TEX14: variants seen among roughly 807,000 people sequenced by gnomAD.
The protein encoded by TEX14 is testis expressed 14, intercellular bridge forming factor.
A neutral mutation model predicts 178.6 loss-of-function variants in TEX14; 168 were observed. That is an observed-to-expected ratio of 0.94 (90% CI 0.83 to 1.07). TEX14 has a LOEUF of 1.07. TEX14 is among the 50% of genes least tolerant of loss of function. The pLI is 0.00. For missense variants in TEX14, 1,730 were observed against 1,753.6 expected (o/e 0.99, Z 0.24); for synonymous variants, 626 against 634.1 (o/e 0.99, Z 0.19).
In TEX14 at chr17:58,601,817, A is replaced by G. The variant is rs199975770; in HGVS notation, c.1667T>C (p.Leu556Pro). 172 of 1,612,770 alleles carry G rather than the reference A, an allele frequency of 1.1e-4. No homozygotes were observed. In the Admixed American group the frequency reaches 1.4e-3, roughly 13 times the overall value. Residue 556 changes from leucine (L) to proline (P), a missense_variant, in exon 13 of 32, where the codon CTA becomes CCA. Leu to Pro is a moderately conservative substitution (Grantham distance 98). Coordinates refer to ENST00000349033, the MANE Select transcript of TEX14 (RefSeq NM_031272.5). ...RETPDMEIIELKEMGSQPHSP... is the reference protein window; with the variant it reads ...RETPDMEIIEPKEMGSQPHSP... ...AATTAAGGCCATACCCATTTCCTTT[A>G]GTTCTATGATTTCCATGTCAGGTGT...
chr17:58,664,297 T>C (rs1281135421), intron 1 of TEX14, among the ~76,000 whole-genome samples: 2 of 152,178 alleles, frequency 1.3e-5, no homozygotes, highest in Non-Finnish European at 2.9e-5. Flanking sequence ...GCCTCTATGA[T>C]TATTTGTGCC....
intron 2 of TEX14, among the ~76,000 whole-genome samples, chr17:58,644,075 C>A (rs2046640060): frequency 6.6e-6 from 1 of 152,004 alleles, no homozygotes; most frequent in Non-Finnish European, 1.5e-5. Flanking sequence ...GGTTTGGGCC[C>A]TTTAATACCT....
chr17:58,587,605 C>T lies in TEX14; in HGVS notation c.2764G>A (p.Gly922Arg), dbSNP rs752465234. ...YNAESRNKDD[G>R]KVHLKWKMEV... ...CTTTTCCATTTTAAGTGTACCTTTC[C>T]ATCATCTTTATTTCTGGACTCTGCA... is the stretch of plus-strand genomic sequence containing the variant. The change falls in exon 17 of 32, where the codon GGA becomes AGA. Residue 922 changes from glycine (G) to arginine (R), a missense_variant. Physicochemically the swap from Gly to Arg is moderately radical, Grantham distance 125 (BLOSUM62 -2). This residue lies in a region of TEX14 where 941 missense variants were observed against 1,072.4 expected (regional missense o/e 0.88). Transcript: ENST00000349033. 3 of 1,601,020 alleles carry T rather than the reference C, an allele frequency of 1.9e-6. No individual in the cohort carries two copies. The highest frequency in any genetic ancestry group is 2.6e-6 in the Non-Finnish European group (3 of 1,172,998).
intron 13 of TEX14, among the ~76,000 whole-genome samples, chr17:58,601,294 G>A (rs978808439): frequency 6.6e-5 from 10 of 152,026 alleles, no homozygotes; most frequent in Non-Finnish European, 1.3e-4. Context: ...AGGCCAAGGC[G>A]GGTGGATCAC....
At chr17:58,659,194 G>A (rs147900305) in intron 1 of TEX14, 46 of 222,406 alleles carry the variant, frequency 2.1e-4, no homozygotes, top group Middle Eastern at 2.2e-3. Flanking sequence ...AAGTTATGCA[G>A]CCGAGTTTTC....
At position 58,643,907 on chromosome 17, in the gene TEX14, A is replaced by G. The variant is rs527458775; in HGVS notation, c.136+7959T>C. On this transcript the variant is annotated intron_variant, in intron 2 of 31. Transcript: ENST00000349033. Reference sequence around the variant, plus strand: ...AAAAAAAAAAAAAAAAAAAAAAAGAAGCCTAAGTCATCTTACTGTTTTCTC... The same window carrying G: ...AAAAAAAAAAAAAAAAAAAAAAAGAGGCCTAAGTCATCTTACTGTTTTCTC... 3.5e-5 allele frequency among the ~76,000 whole-genome samples: 5 copies of G among 143,308 alleles called. No individual in the cohort carries two copies. In the East Asian group the frequency reaches 1.1e-3, roughly 30 times the overall value. The allele number at this position is 143,308 out of a possible 152,430, so 94.0% of individuals were successfully genotyped here. A position where few individuals can be genotyped will look rare whatever the true frequency, so the allele number is the denominator to read the frequency against.
chr17:58,572,629 C>G (rs1337695291), intron 23 of TEX14, among the ~76,000 whole-genome samples: 2 of 138,400 alleles, frequency 1.4e-5, no homozygotes, highest in African/African-American at 5.3e-5. Context: ...GAGACTCTGT[C>G]TTTAAAAAAA....
chr17:58,581,898 C>T (rs1191573324), intron 19 of TEX14, among the ~76,000 whole-genome samples: 7 of 152,160 alleles, frequency 4.6e-5, no homozygotes, highest in African/African-American at 1.7e-4. Flanking sequence ...GCCTTCCCTT[C>T]CTGGTGGGGA....
rs1426897306 is a variant in TEX14 at position 58,565,758 on chromosome 17, C to T, written c.3953G>A (p.Gly1318Asp). 4 of 1,608,134 alleles carry T rather than the reference C, an allele frequency of 2.5e-6. No homozygotes were observed. Among genetic ancestry groups the T allele is most frequent in the Non-Finnish European group, 2.5e-6 (3 of 1,176,942 alleles). Reference sequence around the variant, plus strand: ...GGTAGTTCACTTACCATTTGCAGTGCCTCCTCCATCACTTGCTGTGTTCTC... The same window carrying T: ...GGTAGTTCACTTACCATTTGCAGTGTCTCCTCCATCACTTGCTGTGTTCTC... ...LHENTASDGGGTANDQRHLEE... is the reference protein window; with the variant it reads ...LHENTASDGGDTANDQRHLEE... Residue 1318 changes from glycine (G) to aspartate (D), a missense_variant, in exon 27 of 32, where the codon GGC (glycine) becomes GAC (aspartate). Transcript: ENST00000349033.
chr17:58,561,677 C>T, intron 28 of TEX14, 65 bp from the exon 29 acceptor site: 1 of 1,090,518 alleles, frequency 9.2e-7, no homozygotes, highest in Non-Finnish European at 1.4e-6. Context: ...GACAAAGATG[C>T]ATAACACTTT....
intron 26 of TEX14, 144 bp from the exon 27 acceptor site, chr17:58,565,968 GCCTCA>G: frequency 1.6e-6 from 1 of 638,494 alleles, no homozygotes; most frequent in Non-Finnish European, 2.8e-6. Flanking sequence ...AAATTCTCAG[GCCTCA>G]TCTCAGACCT....
intron 20 of TEX14, among the ~76,000 whole-genome samples, chr17:58,578,293 T>C (rs1345648006): frequency 6.6e-6 from 1 of 152,156 alleles, no homozygotes; most frequent in African/African-American, 2.4e-5. Context: ...CCAGAAAGCA[T>C]AAACTAATTC....
Position 58,687,044 on chromosome 17 carries a change from TGAAG to T in TEX14, c.-2+4891_-2+4894del, listed in dbSNP as rs539954826. Among the ~76,000 whole-genome samples the T allele has an allele frequency of 2.3e-3, 347 of 151,946 alleles. 1 individual carries two copies. Among genetic ancestry groups the T allele is most frequent in the African/African-American group, 8.1e-3 (334 of 41,454 alleles). On this transcript the variant is annotated intron_variant, in intron 1 of 31. Coordinates refer to ENST00000349033, the MANE Select transcript of TEX14 (RefSeq NM_031272.5). Reference sequence around the variant, plus strand: ...GCCCACCACCACACCTGTAGGGAGCTGAAGGCCCATGGGATGTGACCAACTCAGC... The same window carrying T: ...GCCCACCACCACACCTGTAGGGAGCTGCCCATGGGATGTGACCAACTCAGC...
intron 28 of TEX14, 55 bp downstream of exon 28, chr17:58,564,813 TA>T: frequency 9.1e-7 from 1 of 1,103,474 alleles, no homozygotes; most frequent in Non-Finnish European, 1.3e-6. Context: ...GAAAAAAACC[TA>T]ACATAAACTA....
chr17:58,581,547 A>C (rs1240466648), intron 19 of TEX14: 2 of 1,568,540 alleles, frequency 1.3e-6, no homozygotes, highest in Non-Finnish European at 1.7e-6. Context: ...TATTTTTCTC[A>C]ATAAAAGAAA....
intron 19 of TEX14, 45 bp downstream of exon 19, chr17:58,584,447 CTATCTTAT>C (rs2044901879): frequency 2.3e-6 from 3 of 1,312,098 alleles, no homozygotes; most frequent in Non-Finnish European, 3.3e-6. Flanking sequence ...TAACTCAGTT[CTATCTTAT>C]TAGATCTTTG....
chr17:58,563,555 G>C (rs2044313690), intron 28 of TEX14, among the ~76,000 whole-genome samples: 1 of 147,098 alleles, frequency 6.8e-6, no homozygotes, highest in South Asian at 2.2e-4. Flanking sequence ...GGGAGGATGG[G>C]GCAGGAAGAT....
chr17:58,688,479 T>C (rs955098095), intron 1 of TEX14, among the ~76,000 whole-genome samples: 10 of 152,214 alleles, frequency 6.6e-5, no homozygotes, highest in African/African-American at 1.9e-4. Context: ...CTAGGTATTC[T>C]ATAAGGATTT....
chr17:58,614,623 CT>C (rs2045828586), intron 8 of TEX14, among the ~76,000 whole-genome samples: 1 of 152,270 alleles, frequency 6.6e-6, no homozygotes, highest in South Asian at 2.1e-4. Flanking sequence ...TTCAAGCCGA[CT>C]TCCACAAAAA....
Sources: gnomAD v4.1 joint callset for allele counts (sites outside exome capture counted in the v4.1 genomes callset) on GRCh38, gnomAD v4.1.1 for gene constraint, gnomAD v4.1.1 regional missense constraint, MANE v1.5 for transcripts, NCBI Gene and HGNC (gene_info 2026-07-23, HGNC 2026-07-21) for gene names.